Variants in AK8 observed in about 807,000 individuals in gnomAD.
AK8 encodes adenylate kinase 8.
A neutral mutation model predicts 54.6 loss-of-function variants in AK8; 44 were observed. The ratio of observed to expected loss-of-function variants is 0.81; its 90% CI spans 0.63 to 1.04. The LOEUF is 1.04. Among genes scored for constraint, AK8 ranks in the 50% least tolerant of loss-of-function variants. AK8 has a pLI of 0.00. For synonymous variants in AK8, 239 were observed against 245.6 expected, an observed-to-expected ratio of 0.97 and a Z score of 0.25; for missense variants, 555 against 613.6, an observed-to-expected ratio of 0.90 and a Z score of 1.01.
intron 5 of AK8, among the ~76,000 whole-genome samples, chr9:132,845,289 A>G (rs950135637): frequency 1.3e-5 from 2 of 152,266 alleles, no homozygotes; most frequent in Non-Finnish European, 2.9e-5. Context: ...GTAATCACAT[A>G]TAGTGTAATG....
chr9:132,776,859 C>G (rs1232044098), intron 11 of AK8, among the ~76,000 whole-genome samples: 12 of 152,228 alleles, frequency 7.9e-5, no homozygotes, highest in Non-Finnish European at 1.6e-4. Flanking sequence ...TAAGCCCCCA[C>G]CAACCACTTC....
rs778854317 is a variant in AK8 at position 132,863,775 on chromosome 9, T to A, written c.223A>T (p.Met75Leu). 1 of 1,609,520 alleles carries A rather than the reference T, an allele frequency of 6.2e-7. No individual in the cohort carries two copies. The highest frequency in any genetic ancestry group is 8.5e-7 in the Non-Finnish European group (1 of 1,177,130). ...CTGTTCAGATGTTTGCAGAGCCACA[T>A]TGCCTGAAGAAAGGAAAGAAGAAAA... ...PPASGKTTIAMWLCKHLNSSL... is the reference protein window; with the variant it reads ...PPASGKTTIALWLCKHLNSSL... The change falls in exon 4 of 13, where the codon ATG (methionine) becomes TTG (leucine). Residue 75 changes from methionine to leucine, a missense_variant. Transcript: ENST00000298545.
chr9:132,742,039 G>A (rs1377007276), intron 11 of AK8, among the ~76,000 whole-genome samples: 2 of 152,162 alleles, frequency 1.3e-5, no homozygotes, highest in African/African-American at 4.8e-5. Context: ...CTTTCACTCA[G>A]CCTGATGTTT....
chr9:132,831,751 T>C (rs973870403), intron 5 of AK8, among the ~76,000 whole-genome samples: 26 of 152,248 alleles, frequency 1.7e-4, no homozygotes, highest in African/African-American at 6.0e-4. Flanking sequence ...GATGTCTTTC[T>C]TTAAAAACAA....
chr9:132,839,053 C>T (rs1588195822), intron 5 of AK8, among the ~76,000 whole-genome samples: 1 of 152,238 alleles, frequency 6.6e-6, no homozygotes, highest in Admixed American at 6.5e-5. Context: ...AAGCGATTCT[C>T]CTGCCTCAGC....
At position 132,834,869 on chromosome 9, in the gene AK8, C is replaced by CT. The variant is rs11323499; in HGVS notation, c.403-6144dup. On this transcript the variant is annotated intron_variant, in intron 5 of 12. Coordinates refer to ENST00000298545, the MANE Select transcript of AK8 (RefSeq NM_152572.3). Reference sequence around the variant, plus strand: ...CCAAATGCAGGCATTCAAGAGGTGCCTTTTTTTTTTTTTTTGAGACAGAGT... The same window carrying CT: ...CCAAATGCAGGCATTCAAGAGGTGCCTTTTTTTTTTTTTTTTGAGACAGAGT... 3.0e-3 allele frequency among the ~76,000 whole-genome samples: 420 copies of CT among 140,768 alleles called. 1 individual carries two copies. Among genetic ancestry groups the CT allele is most frequent in the African/African-American group, 7.0e-3 (269 of 38,462 alleles). The allele number at this position is 140,768 out of a possible 152,430, so 92.3% of individuals were successfully genotyped here.
chr9:132,795,389 C>T (rs572339258), intron 10 of AK8, among the ~76,000 whole-genome samples: 9 of 152,158 alleles, frequency 5.9e-5, no homozygotes, highest in African/African-American at 1.4e-4. Flanking sequence ...GGAACTGGGG[C>T]GTGGGGAGCC....
intron 5 of AK8, among the ~76,000 whole-genome samples, chr9:132,830,076 CTGTT>C (rs1221999888): frequency 6.6e-6 from 1 of 152,194 alleles, no homozygotes; most frequent in African/African-American, 2.4e-5. Flanking sequence ...ACTGTACACA[CTGTT>C]TGGTAATCTG....
chr9:132,788,342 G>T (rs1839803053), intron 11 of AK8, among the ~76,000 whole-genome samples: 2 of 152,194 alleles, frequency 1.3e-5, no homozygotes, highest in Admixed American at 6.5e-5. Flanking sequence ...TAGCTGTAAA[G>T]AAGACTGGAA....
intron 11 of AK8, among the ~76,000 whole-genome samples, chr9:132,753,218 T>TC (rs1192923380): frequency 6.6e-6 from 1 of 152,166 alleles, no homozygotes; most frequent in African/African-American, 2.4e-5. Flanking sequence ...TAAAGTAACC[T>TC]CCCTGTCACC....
At chr9:132,764,382 A>G (rs1486148940) in intron 11 of AK8, among the ~76,000 whole-genome samples, 1 of 152,182 alleles carries the variant, frequency 6.6e-6, no homozygotes, top group African/African-American at 2.4e-5. Context: ...GAAAAATACA[A>G]AGATCAACAA....
intron 10 of AK8, 132 bp from the exon 11 acceptor site, chr9:132,792,907 G>C (rs1332920470): frequency 8.5e-7 from 1 of 1,170,468 alleles, no homozygotes; most frequent in Non-Finnish European, 1.2e-6. Context: ...GAACCACTTG[G>C]ACAAGGTTGT....
At chr9:132,762,333 C>T (rs1012766813) in intron 11 of AK8, among the ~76,000 whole-genome samples, 15 of 152,128 alleles carry the variant, frequency 9.9e-5, no homozygotes, top group Admixed American at 5.2e-4. Context: ...CCTAGGTCAG[C>T]GGCTTAGATC....
At chr9:132,747,960 A>C (rs2131002230) in intron 11 of AK8, among the ~76,000 whole-genome samples, 1 of 151,372 alleles carries the variant, frequency 6.6e-6, no homozygotes, top group South Asian at 2.1e-4. Context: ...TTAGCCGAGC[A>C]TGGTGATGGG....
chr9:132,763,017 C>A (rs886589054), intron 11 of AK8, among the ~76,000 whole-genome samples: 3 of 152,204 alleles, frequency 2.0e-5, no homozygotes, highest in African/African-American at 7.2e-5. Flanking sequence ...CAGCTCCCAC[C>A]ACCCTTTGGA....
At position 132,860,445 on chromosome 9, in the gene AK8, A is replaced by G. The variant is rs1343346555; in HGVS notation, c.333+3220T>C. 1.3e-5 allele frequency among the ~76,000 whole-genome samples: 2 copies of G among 152,248 alleles called. No individual in the cohort carries two copies. The highest frequency in any genetic ancestry group is 6.5e-5 in the Admixed American group (1 of 15,286). On this transcript the variant is annotated intron_variant, in intron 4 of 12. Coordinates refer to ENST00000298545, the MANE Select transcript of AK8 (RefSeq NM_152572.3). This position sits in a 1 kb window ranked among gnomAD's most constrained non-coding sequence, Gnocchi z 4.4. The stretch of plus-strand genomic sequence containing the variant: ...TTGCTGGGCAAGGGAGTCAGCCAGC[A>G]TCGTTCACATCTGGCGGACTCGAAC...
chr9:132,808,559 A>G (rs1044386400), intron 10 of AK8, among the ~76,000 whole-genome samples: 33 of 152,208 alleles, frequency 2.2e-4, no homozygotes, highest in African/African-American at 7.7e-4. Context: ...GTGAGGACAA[A>G]AAAAGAACAT....
chr9:132,813,567 G>C (rs1188490656), intron 10 of AK8, among the ~76,000 whole-genome samples: 1 of 152,246 alleles, frequency 6.6e-6, no homozygotes, highest in East Asian at 1.9e-4. Context: ...TGACTGCAGG[G>C]AGGAGCTGCA....
At chr9:132,774,143 A>G (rs1176148277) in intron 11 of AK8, among the ~76,000 whole-genome samples, 2 of 152,126 alleles carry the variant, frequency 1.3e-5, no homozygotes, top group African/African-American at 4.8e-5. Context: ...CCTATGACCT[A>G]GAATCCACGC....
Sources: allele counts gnomAD v4.1 joint callset (sites outside exome capture counted in the v4.1 genomes callset), GRCh38; gene constraint gnomAD v4.1.1; non-coding constraint Gnocchi (gnomAD v3.1); transcripts MANE v1.5; gene names NCBI Gene and HGNC (gene_info 2026-07-23, HGNC 2026-07-21).